The following ZBTB44 variants were observed in gnomAD, a reference collection of about 807,000 sequenced individuals.
ZBTB44 encodes the protein zinc finger and BTB domain containing 44.
In ZBTB44, 15 loss-of-function variants were observed where a neutral mutation model predicts 54.0. That is an observed-to-expected ratio of 0.28 (90% CI 0.19 to 0.43). The LOEUF (loss-of-function observed/expected upper bound fraction) is 0.43, where lower values mean the gene tolerates loss of function less well. Ranked by LOEUF, ZBTB44 falls within the 20% of genes least tolerant of loss-of-function variation. ZBTB44 has a pLI of 1.00. For missense variants in ZBTB44, 487 were observed against 707.1 expected, an observed-to-expected ratio of 0.69 and a Z score of 3.53; for synonymous variants, 230 against 250.1, an observed-to-expected ratio of 0.92 and a Z score of 0.76.
At chr11:130,244,329 G>A (rs920705815) in intron 2 of ZBTB44, among the ~76,000 whole-genome samples, 7 of 151,984 alleles carry the variant, frequency 4.6e-5, no homozygotes, top group Non-Finnish European at 8.8e-5. Context: ...TGAGAATTTC[G>A]GTCTTTTAAT....
At position 130,236,695 on chromosome 11, in the gene ZBTB44, T is replaced by C. The variant is rs1420263157; in HGVS notation, c.1568+98A>G. 4.1e-6 allele frequency: 5 copies of C among 1,223,950 alleles called. No homozygotes were observed. The Admixed American group carries it at 1.9e-4, about 47-fold the overall frequency. 75.8% of individuals were successfully genotyped at this position (1,223,950 alleles called of 1,614,324 possible). ...TCCGTAACAAATGTGACTGACTAGC[T>C]GGCAACCTGATGTAAAAACACAGAA... On this transcript the variant is annotated intron_variant, in intron 5 of 7. Transcript: ENST00000357899.
At chr11:130,264,573 C>CGGA (rs1425126799) in intron 1 of ZBTB44, among the ~76,000 whole-genome samples, 2 of 152,106 alleles carry the variant, frequency 1.3e-5, no homozygotes, top group Admixed American at 1.3e-4. Flanking sequence ...GAGTACCTCC[C>CGGA]GTAAGTCATG....
At chr11:130,270,773 C>T (rs1457252982) in intron 1 of ZBTB44, among the ~76,000 whole-genome samples, 1 of 152,062 alleles carries the variant, frequency 6.6e-6, no homozygotes. Context: ...CCAAACAAGA[C>T]AAAAGAAGAG....
At chr11:130,289,658 T>C (rs986204012) in intron 1 of ZBTB44, among the ~76,000 whole-genome samples, 2 of 152,038 alleles carry the variant, frequency 1.3e-5, no homozygotes, top group Non-Finnish European at 2.9e-5. Flanking sequence ...ATATCTGTAT[T>C]GAAGGCCTAG....
chr11:130,238,788 C>CT, intron 3 of ZBTB44, 181 bp from the exon 4 acceptor site: 10 of 661,826 alleles, frequency 1.5e-5, no homozygotes, highest in South Asian at 6.0e-5. Flanking sequence ...TCCAGAATGC[C>CT]TTTTGTTTTT....
At chr11:130,246,990 G>C (rs1954675847) in intron 2 of ZBTB44, among the ~76,000 whole-genome samples, 1 of 152,270 alleles carries the variant, frequency 6.6e-6, no homozygotes, top group South Asian at 2.1e-4. Context: ...TGCATTCCTA[G>C]ATAGTATTTA....
At chr11:130,271,591 T>A (rs539879115) in intron 1 of ZBTB44, among the ~76,000 whole-genome samples, 17 of 152,344 alleles carry the variant, frequency 1.1e-4, no homozygotes, top group African/African-American at 3.8e-4. Flanking sequence ...TTCATATGAA[T>A]GGAATCATAT....
intron 2 of ZBTB44, among the ~76,000 whole-genome samples, chr11:130,256,165 C>T (rs1225568000): frequency 6.6e-6 from 1 of 152,114 alleles, no homozygotes; most frequent in African/African-American, 2.4e-5. Flanking sequence ...GGCCAATATA[C>T]CTGATGAACA....
Position 130,283,461 on chromosome 11 carries a change from C to T in ZBTB44, c.-56-21532G>A, listed in dbSNP as rs78076729. On this transcript the variant is annotated intron_variant, in intron 1 of 7. Transcript: ENST00000357899. The stretch of plus-strand genomic sequence containing the variant: ...AGCAAGGCCAGATTTTTACAAAACT[C>T]AAAAGAACTGCAGGGAACAAAAGCA... Among the ~76,000 whole-genome samples, 1,315 of 152,222 alleles carry T rather than the reference C, an allele frequency of 8.6e-3. 18 individuals carry two copies. Among genetic ancestry groups the T allele is most frequent in the African/African-American group, 0.03 (1,225 of 41,524 alleles).
At chr11:130,243,707 T>C (rs1954494875) in intron 2 of ZBTB44, among the ~76,000 whole-genome samples, 1 of 152,208 alleles carries the variant, frequency 6.6e-6, no homozygotes, top group Admixed American at 6.5e-5. Flanking sequence ...ATGGAGCCGC[T>C]AGGTCACTGA....
At chr11:130,302,051 C>T in intron 1 of ZBTB44, among the ~76,000 whole-genome samples, 1 of 87,766 alleles carries the variant, frequency 1.1e-5, no homozygotes, top group African/African-American at 3.4e-5. Context: ...GACCCTGTCT[C>T]AAAAAAAAAA....
intron 2 of ZBTB44, among the ~76,000 whole-genome samples, chr11:130,245,813 GAATA>G (rs1414058161): frequency 1.3e-5 from 2 of 152,188 alleles, no homozygotes; most frequent in Non-Finnish European, 2.9e-5. Flanking sequence ...GGTGAGGTGA[GAATA>G]AAAACCACAC....
At position 130,275,875 on chromosome 11, in the gene ZBTB44, C is replaced by G. The variant is rs1031337637; in HGVS notation, c.-56-13946G>C. Among the ~76,000 whole-genome samples, 7 of 152,072 alleles carry G rather than the reference C, an allele frequency of 4.6e-5. No individual in the cohort carries two copies. In the South Asian group the frequency reaches 1.4e-3, roughly 31 times the overall value. ...TCTCTTGGCCTCGTGATCGGCCCAC[C>G]TTGGCCTCCCAAAGTGCTGGGATTA... is the stretch of plus-strand genomic sequence containing the variant. On this transcript the variant is annotated intron_variant, in intron 1 of 7. Coordinates refer to ENST00000357899, the MANE Select transcript of ZBTB44 (RefSeq NM_001301098.2).
rs1353371522 is a variant in ZBTB44 at position 130,228,698 on chromosome 11, A to G, written c.*3066T>C. 6.6e-6 allele frequency: 1 copy of G among 152,130 alleles called. No individual in the cohort carries two copies. The highest frequency in any genetic ancestry group is 1.5e-5 in the Non-Finnish European group (1 of 68,018). The allele number at this position is 152,130 out of a possible 1,614,324, so 9.4% of individuals were successfully genotyped here. On this transcript the variant is annotated 3_prime_UTR_variant, in exon 8 of 8. Transcript: ENST00000357899. The stretch of plus-strand genomic sequence containing the variant: ...AACCTCAACATTCATTTATGGGATG[A>G]TTTTTCATCTGTTTTATTGAATAAT...
At chr11:130,243,990 G>C (rs1954512899) in intron 2 of ZBTB44, among the ~76,000 whole-genome samples, 1 of 152,116 alleles carries the variant, frequency 6.6e-6, no homozygotes, top group South Asian at 2.1e-4. Flanking sequence ...CACACTCTGA[G>C]CTTTCAGTTT....
intron 1 of ZBTB44, chr11:130,285,757 G>A (rs1043600409): frequency 1.2e-4 from 27 of 224,358 alleles, no homozygotes; most frequent in African/African-American, 6.2e-4. Context: ...TCCCAAACCA[G>A]TTCATGCCCA....
chr11:130,231,924 T>A (rs891556956), intron 7 of ZBTB44: 1 of 152,152 alleles, frequency 6.6e-6, no homozygotes, highest in African/African-American at 2.4e-5. Context: ...ACCCTATCAG[T>A]GAAGAAGCAT....
chr11:130,300,643 AG>A (rs1941939165), intron 1 of ZBTB44, among the ~76,000 whole-genome samples: 2 of 152,240 alleles, frequency 1.3e-5, no homozygotes, highest in Non-Finnish European at 2.9e-5. Flanking sequence ...CAAGGGTACA[AG>A]GTATTTCAAG....
At chr11:130,280,091 T>G (rs1725067842) in intron 1 of ZBTB44, among the ~76,000 whole-genome samples, 1 of 152,164 alleles carries the variant, frequency 6.6e-6, no homozygotes, top group Admixed American at 6.5e-5. Context: ...GCAATTTTTG[T>G]CCCAGTATTC....
Sources: gnomAD v4.1 joint callset for allele counts (sites outside exome capture counted in the v4.1 genomes callset) on GRCh38, gnomAD v4.1.1 for gene constraint, MANE v1.5 for transcripts, NCBI Gene and HGNC (gene_info 2026-07-23, HGNC 2026-07-21) for gene names.